The following LRBA variants were observed in gnomAD, a reference collection of about 807,000 sequenced individuals.
LRBA encodes LPS responsive beige-like anchor protein, also known as lipopolysaccharide-responsive and beige-like anchor protein.
LRBA carries 176 observed loss-of-function variants against 330.0 expected under a neutral mutation model. The ratio of observed to expected loss-of-function variants is 0.53; its 90% CI spans 0.47 to 0.60. The LOEUF (loss-of-function observed/expected upper bound fraction) is 0.60, where lower values mean the gene tolerates loss of function less well. LRBA is among the 20% of genes least tolerant of loss of function. The pLI is 0.00. For synonymous variants in LRBA, 1,230 were observed against 1,193.0 expected (o/e 1.03, Z -0.64); for missense variants, 3,259 against 3,444.8 (o/e 0.95, Z 1.35).
At chr4:150,885,604 G>A (rs998819708) in intron 17 of LRBA, among the ~76,000 whole-genome samples, 2 of 152,170 alleles carry the variant, frequency 1.3e-5, no homozygotes, top group Admixed American at 6.5e-5. Flanking sequence ...CTGGGTGACA[G>A]AGGGAGACTC....
chr4:150,674,591 T>C (rs1405594873), intron 37 of LRBA, among the ~76,000 whole-genome samples: 2 of 152,204 alleles, frequency 1.3e-5, no homozygotes, highest in Non-Finnish European at 2.9e-5. Context: ...AACATCCTAA[T>C]ACTGTTGGGT....
chr4:150,436,657 A>G, intron 45 of LRBA, 67 bp downstream of exon 45: 1 of 1,382,970 alleles, frequency 7.2e-7, no homozygotes, highest in Non-Finnish European at 9.9e-7. Context: ...TATGAGTTCT[A>G]ATTTTTGCAT....
chr4:150,485,858 T>G (rs574198731), intron 42 of LRBA, among the ~76,000 whole-genome samples: 1 of 151,962 alleles, frequency 6.6e-6, no homozygotes, highest in Non-Finnish European at 1.5e-5. Flanking sequence ...ATGGTATACC[T>G]TTTTCTGTCC....
chr4:150,352,785 A>G lies in LRBA; in HGVS notation c.7195-2626T>C, dbSNP rs113536388. On this transcript the variant is annotated intron_variant, in intron 47 of 56. Coordinates refer to ENST00000651943, the MANE Select transcript of LRBA (RefSeq NM_001364905.1). ...GGGGTAGGCACATTTACAATGACAC[A>G]TAAAAACAGCAATTGTCTTAATTTG... Among the ~76,000 whole-genome samples the G allele has an allele frequency of 9.7e-3, 1,479 of 152,332 alleles. 20 individuals carry two copies. Among genetic ancestry groups the G allele is most frequent in the African/African-American group, 0.034 (1,406 of 41,560 alleles).
chr4:150,444,764 C>A (rs1752374797), intron 44 of LRBA, among the ~76,000 whole-genome samples: 1 of 152,264 alleles, frequency 6.6e-6, no homozygotes, highest in African/African-American at 2.4e-5. Flanking sequence ...ATTTAACAAA[C>A]ACATCTTGGG....
chr4:150,547,163 T>C (rs760513504), intron 40 of LRBA, among the ~76,000 whole-genome samples: 1 of 152,132 alleles, frequency 6.6e-6, no homozygotes, highest in Non-Finnish European at 1.5e-5. Flanking sequence ...TACACAAATA[T>C]ACACACTTAA....
At chr4:150,560,861 C>G (rs777367383) in intron 40 of LRBA, among the ~76,000 whole-genome samples, 6 of 152,052 alleles carry the variant, frequency 3.9e-5, no homozygotes, top group Non-Finnish European at 7.4e-5. Flanking sequence ...TGGCACATGT[C>G]TGTAATCCCA....
chr4:150,556,509 T>A (rs563684891), intron 40 of LRBA, among the ~76,000 whole-genome samples: 1 of 152,336 alleles, frequency 6.6e-6, no homozygotes, highest in East Asian at 1.9e-4. Flanking sequence ...AATAATTATA[T>A]ACATAGTTAC....
intron 2 of LRBA, among the ~76,000 whole-genome samples, chr4:150,984,830 A>C (rs540107192): frequency 3.6e-4 from 55 of 152,350 alleles, no homozygotes; most frequent in Admixed American, 9.8e-4. Flanking sequence ...AAAGGAAAAA[A>C]GTAAATGGAA....
chr4:150,831,977 C>A lies in LRBA; in HGVS notation c.4570-1G>T. The A allele has an allele frequency of 6.8e-7, 1 of 1,478,162 alleles. No individual in the cohort carries two copies. Among genetic ancestry groups the A allele is most frequent in the South Asian group, 1.5e-5 (1 of 68,024 alleles). The allele number at this position is 1,478,162 out of a possible 1,614,324, so 91.6% of individuals were successfully genotyped here. On this transcript the variant is annotated splice_acceptor_variant, in intron 28 of 56. Transcript: ENST00000651943. LOFTEE classifies it high-confidence loss of function. ...AAAATTGAGCTTGTTTGCTATCCTC[C>A]TGGGAAAAAAAATTAAAGGAGTTGA... is the stretch of plus-strand genomic sequence containing the variant.
At chr4:150,636,369 TTGAC>T (rs1326865495) in intron 37 of LRBA, among the ~76,000 whole-genome samples, 1 of 152,162 alleles carries the variant, frequency 6.6e-6, no homozygotes, top group Non-Finnish European at 1.5e-5. Context: ...ATTTTGACGT[TTGAC>T]TGTTCACTGA....
At chr4:150,395,813 A>C (rs1744656797) in intron 47 of LRBA, among the ~76,000 whole-genome samples, 1 of 152,198 alleles carries the variant, frequency 6.6e-6, no homozygotes. Flanking sequence ...GCACTTGTCA[A>C]ATATCAGTGT....
intron 40 of LRBA, among the ~76,000 whole-genome samples, chr4:150,547,393 T>C (rs556487980): frequency 6.6e-6 from 1 of 152,240 alleles, no homozygotes; most frequent in South Asian, 2.1e-4. Context: ...AAAGCAAAAG[T>C]GAAGAAAATT....
rs1434383203 is a variant in LRBA at position 150,661,622 on chromosome 4, T to G, written c.5921+21929A>C. Among the ~76,000 whole-genome samples the G allele has an allele frequency of 3.3e-5, 5 of 152,210 alleles. 1 individual carries two copies. In the South Asian group the frequency reaches 1.0e-3, roughly 32 times the overall value. On this transcript the variant is annotated intron_variant, in intron 37 of 56. Coordinates refer to ENST00000651943, the MANE Select transcript of LRBA (RefSeq NM_001364905.1). The stretch of plus-strand genomic sequence containing the variant: ...AGTGCATCATGTTTTATTTTATTTT[T>G]ATTTTTGAGACTGAGTCTCACTCTA...
At chr4:150,490,825 CTA>C in intron 41 of LRBA, 91 bp downstream of exon 41, 1 of 608,958 alleles carries the variant, frequency 1.6e-6, no homozygotes, top group Non-Finnish European at 2.8e-6. Context: ...CTACAAATAA[CTA>C]TCTAAATTGA....
chr4:150,747,621 C>G (rs1050177966), intron 35 of LRBA, among the ~76,000 whole-genome samples: 1 of 152,162 alleles, frequency 6.6e-6, no homozygotes, highest in Non-Finnish European at 1.5e-5. Flanking sequence ...AGCAAGATAA[C>G]TGTGAAAAGG....
chr4:150,585,943 T>C (rs563593977), intron 40 of LRBA, among the ~76,000 whole-genome samples: 15 of 152,138 alleles, frequency 9.9e-5, no homozygotes, highest in Non-Finnish European at 2.2e-4. Flanking sequence ...TAAGATTCCT[T>C]GGTAAAAACA....
chr4:151,002,995 T>C (rs899949840), intron 2 of LRBA, among the ~76,000 whole-genome samples: 10 of 150,556 alleles, frequency 6.6e-5, no homozygotes, highest in Middle Eastern at 3.5e-3. Context: ...GCCTGGGCAA[T>C]AGAGCAAGAC....
chr4:150,341,853 T>C (rs1169851506), intron 48 of LRBA, among the ~76,000 whole-genome samples: 2 of 151,764 alleles, frequency 1.3e-5, no homozygotes, highest in Non-Finnish European at 1.5e-5. Flanking sequence ...TCAACCTTTG[T>C]ATATTGCAAA....
Sources: gnomAD v4.1 joint callset for allele counts (sites outside exome capture counted in the v4.1 genomes callset) on GRCh38, gnomAD v4.1.1 for gene constraint, MANE v1.5 for transcripts, NCBI Gene and HGNC (gene_info 2026-07-23, HGNC 2026-07-21) for gene names.